The following ZNF578 variants were observed in gnomAD, a reference collection of about 807,000 sequenced individuals.
ZNF578 encodes the protein Putative chemokine-related protein B42.
A neutral mutation model predicts 8.3 loss-of-function variants in ZNF578; 8 were observed. That is an observed-to-expected ratio of 0.96 (90% CI 0.56 to 1.74). ZNF578 has a LOEUF of 1.74. Ranked by LOEUF, ZNF578 falls within the 40% of genes most tolerant of loss-of-function variation. The probability of loss-of-function intolerance (pLI) is 0.00; values close to 1 mark genes in which losing one functional copy is unlikely to be tolerated. For missense variants in ZNF578, 726 were observed against 707.5 expected, an observed-to-expected ratio of 1.03 and a Z score of -0.30; for synonymous variants, 206 against 232.2, an observed-to-expected ratio of 0.89 and a Z score of 1.03.
At chr19:52,505,423 T>G (rs1428710838) in intron 5 of ZNF578, among the ~76,000 whole-genome samples, 1 of 152,040 alleles carries the variant, frequency 6.6e-6, no homozygotes, top group Non-Finnish European at 1.5e-5. Context: ...TTTGTTTGTT[T>G]GTTTTTTGTT....
At chr19:52,461,103 A>G (rs1053374631) in intron 2 of ZNF578, among the ~76,000 whole-genome samples, 3 of 152,314 alleles carry the variant, frequency 2.0e-5, no homozygotes, top group South Asian at 2.1e-4. Flanking sequence ...TAGGATGTCA[A>G]TTCCAGGCAG....
At chr19:52,487,885 C>G (rs1302889966) in intron 2 of ZNF578, among the ~76,000 whole-genome samples, 6 of 151,928 alleles carry the variant, frequency 3.9e-5, no homozygotes, top group Admixed American at 3.3e-4. Context: ...GATCCTCCTG[C>G]CTTGGCCTCC....
At chr19:52,466,794 C>T (rs968856050) in intron 2 of ZNF578, among the ~76,000 whole-genome samples, 4 of 152,138 alleles carry the variant, frequency 2.6e-5, no homozygotes, top group African/African-American at 7.2e-5. Flanking sequence ...TTATATTTAA[C>T]ACTTGAAATT....
chr19:52,470,590 C>T (rs1442636710), intron 2 of ZNF578, among the ~76,000 whole-genome samples: 2 of 152,072 alleles, frequency 1.3e-5, no homozygotes, highest in East Asian at 3.9e-4. Context: ...GAGGAAGGCC[C>T]ACCCTCAGTG....
chr19:52,495,544 G>T (rs1335339258), intron 3 of ZNF578, among the ~76,000 whole-genome samples: 1 of 151,546 alleles, frequency 6.6e-6, no homozygotes, highest in African/African-American at 2.4e-5. Context: ...GATGGAGAGA[G>T]AAAGTGAAAA....
At chr19:52,466,575 A>T (rs1444882165) in intron 2 of ZNF578, among the ~76,000 whole-genome samples, 1 of 152,184 alleles carries the variant, frequency 6.6e-6, no homozygotes, top group Non-Finnish European at 1.5e-5. Context: ...CTAAATGTTG[A>T]TGAACAGTTG....
At chr19:52,457,271 A>C (rs550755936) in intron 2 of ZNF578, 1 of 152,236 alleles carries the variant, frequency 6.6e-6, no homozygotes, top group East Asian at 1.9e-4. Flanking sequence ...ATAAAAACCC[A>C]AAAGGGCAAA....
At chr19:52,475,047 C>G (rs577662712) in intron 2 of ZNF578, 70 of 187,688 alleles carry the variant, frequency 3.7e-4, no homozygotes, top group African/African-American at 1.5e-3. Flanking sequence ...CTTGCACATT[C>G]ATTACGTTTG....
chr19:52,496,544 T>C lies in ZNF578; in HGVS notation c.-20+5119T>C, dbSNP rs373904342. On this transcript the variant is annotated intron_variant, in intron 3 of 5. Coordinates refer to ENST00000421239, the MANE Select transcript of ZNF578 (RefSeq NM_001099694.2). The stretch of plus-strand genomic sequence containing the variant: ...CGGGGTGTCACCATGTTAGCCAGGA[T>C]GGTCTCGATCTCCTGACCTCGTGAT... Among the ~76,000 whole-genome samples, 67 of 143,620 alleles carry C rather than the reference T, an allele frequency of 4.7e-4. 2 individuals are homozygous for C. The East Asian group carries it at 9.3e-3, about 20-fold the overall frequency. The allele number at this position is 143,620 out of a possible 152,430, so 94.2% of individuals were successfully genotyped here.
Position 52,511,380 on chromosome 19 carries a change from T to C in ZNF578, c.999T>C (p.His333=). 6.2e-7 allele frequency: 1 copy of C among 1,614,160 alleles called. No homozygotes were observed. Among genetic ancestry groups the C allele is most frequent in the Non-Finnish European group, 8.5e-7 (1 of 1,179,992 alleles). The change falls in exon 6 of 6, where the codon CAT becomes CAC. Residue 333 remains histidine (H), a synonymous_variant. Transcript: ENST00000421239. ...GTTACAAGTCATCCCTTACATGCCATCATAGGTGTCACACTGGTGAGAAAC... is the reference window on the plus strand; with the variant it reads ...GTTACAAGTCATCCCTTACATGCCACCATAGGTGTCACACTGGTGAGAAAC... ...SFSYKSSLTC[H]HRCHTGEKPY...
intron 5 of ZNF578, among the ~76,000 whole-genome samples, chr19:52,510,156 T>A (rs2059439313): frequency 6.6e-6 from 1 of 152,198 alleles, no homozygotes. Context: ...TATTTACCAA[T>A]ATAGTATATT....
At chr19:52,479,542 C>CAA (rs34862610) in intron 2 of ZNF578, among the ~76,000 whole-genome samples, 694 of 63,992 alleles carry the variant, frequency 0.011, 16 homozygotes, top group African/African-American at 0.033. Context: ...GACTCCATCT[C>CAA]AAAAAAAAAA....
chr19:52,501,281 G>A (rs1369487153), intron 3 of ZNF578, among the ~76,000 whole-genome samples: 6 of 152,196 alleles, frequency 3.9e-5, no homozygotes, highest in Non-Finnish European at 8.8e-5. Context: ...TGCTGGGCTC[G>A]CCCCCTCTGA....
intron 2 of ZNF578, among the ~76,000 whole-genome samples, chr19:52,480,561 G>A (rs568841849): frequency 6.7e-6 from 1 of 148,322 alleles, no homozygotes; most frequent in Admixed American, 6.7e-5. Context: ...GCTGGATATT[G>A]CAGTTTACTT....
intron 4 of ZNF578, among the ~76,000 whole-genome samples, chr19:52,503,527 T>C (rs2059414768): frequency 1.3e-5 from 2 of 152,174 alleles, no homozygotes; most frequent in Admixed American, 1.3e-4. Flanking sequence ...TTTGTATTTT[T>C]ATAGAGATAT....
Position 52,510,862 on chromosome 19 carries a change from C to A in ZNF578, c.481C>A (p.His161Asn), listed in dbSNP as rs755750932. 1 of 1,614,190 alleles carries A rather than the reference C, an allele frequency of 6.2e-7. No individual in the cohort carries two copies. The highest frequency in any genetic ancestry group is 8.5e-7 in the Non-Finnish European group (1 of 1,180,038). Residue 161 changes from histidine to asparagine, a missense_variant, in exon 6 of 6, where the codon CAT becomes AAT. Coordinates refer to ENST00000421239, the MANE Select transcript of ZNF578 (RefSeq NM_001099694.2). ...TAAAGATCAGCTTGGATTAAGCTTT[C>A]ATTTGCATCTTCCTGAACTCCACAT... ...PIKDQLGLSFHLHLPELHIFQ... is the reference protein window; with the variant it reads ...PIKDQLGLSFNLHLPELHIFQ...
intron 2 of ZNF578, among the ~76,000 whole-genome samples, chr19:52,484,339 T>C (rs931691615): frequency 2.6e-5 from 4 of 152,178 alleles, no homozygotes; most frequent in Non-Finnish European, 2.9e-5. Context: ...CTTCCTCTTA[T>C]CTCAACTGCA....
At chr19:52,460,998 A>G (rs1034671978) in intron 2 of ZNF578, among the ~76,000 whole-genome samples, 7 of 152,204 alleles carry the variant, frequency 4.6e-5, no homozygotes, top group Admixed American at 2.6e-4. Flanking sequence ...CAAACAGCAT[A>G]AACCGATACA....
At chr19:52,504,899 G>GATTGTTTC (rs2059420188) in intron 5 of ZNF578, 118 bp downstream of exon 5, 1 of 1,553,554 alleles carries the variant, frequency 6.4e-7, no homozygotes, top group African/African-American at 1.4e-5. Flanking sequence ...TTGATTGTTT[G>GATTGTTTC]TTTGGTTTGA....
Sources: allele counts gnomAD v4.1 joint callset (sites outside exome capture counted in the v4.1 genomes callset), GRCh38; gene constraint gnomAD v4.1.1; transcripts MANE v1.5; gene names NCBI Gene and HGNC (gene_info 2026-07-23, HGNC 2026-07-21).